The following STXBP5L variants were observed in gnomAD, a reference collection of about 807,000 sequenced individuals.
STXBP5L encodes the protein syntaxin binding protein 5L, also known as syntaxin-binding protein 5-like.
STXBP5L carries 65 observed loss-of-function variants against 144.5 expected under a neutral mutation model. That is an observed-to-expected ratio of 0.45 (90% CI 0.37 to 0.55). The LOEUF (loss-of-function observed/expected upper bound fraction) is 0.55, where lower values mean the gene tolerates loss of function less well. STXBP5L is among the 20% of genes least tolerant of loss of function. STXBP5L has a pLI of 0.00. For missense variants in STXBP5L, 1,298 were observed against 1,405.5 expected (o/e 0.92, Z 1.22); for synonymous variants, 505 against 469.6 (o/e 1.08, Z -0.97).
chr3:120,970,699 C>T (rs566406536), intron 3 of STXBP5L, among the ~76,000 whole-genome samples: 80 of 152,168 alleles, frequency 5.3e-4, no homozygotes, highest in Admixed American at 1.8e-3. Context: ...TGGACGATGT[C>T]TTCTTTCTCT....
At chr3:121,052,426 G>C (rs533283767) in intron 5 of STXBP5L, among the ~76,000 whole-genome samples, 20 of 152,232 alleles carry the variant, frequency 1.3e-4, no homozygotes, top group African/African-American at 2.2e-4. Context: ...CCCTGGGATG[G>C]AAGGCTGGTT....
At chr3:121,362,245 G>A (rs535268353) in intron 20 of STXBP5L, among the ~76,000 whole-genome samples, 2 of 152,312 alleles carry the variant, frequency 1.3e-5, no homozygotes, top group South Asian at 4.1e-4. Flanking sequence ...TAAATTTAGT[G>A]TAGCACTGGG....
intron 5 of STXBP5L, among the ~76,000 whole-genome samples, chr3:121,065,695 G>A (rs1347150185): frequency 6.6e-6 from 1 of 152,134 alleles, no homozygotes; most frequent in Admixed American, 6.6e-5. Context: ...GGAACTACAG[G>A]CATGTGCCAC....
At chr3:121,034,477 G>A (rs908807873) in intron 3 of STXBP5L, among the ~76,000 whole-genome samples, 3 of 151,994 alleles carry the variant, frequency 2.0e-5, no homozygotes, top group Non-Finnish European at 4.4e-5. Flanking sequence ...TTCTATGGCT[G>A]AATAGTATTC....
intron 19 of STXBP5L, among the ~76,000 whole-genome samples, chr3:121,305,778 A>C (rs2108501762): frequency 6.6e-6 from 1 of 152,254 alleles, no homozygotes; most frequent in African/African-American, 2.4e-5. Context: ...CATTTAGTTC[A>C]TAACCTAGTA....
intron 20 of STXBP5L, among the ~76,000 whole-genome samples, chr3:121,344,961 T>G (rs576899849): frequency 1.3e-5 from 2 of 149,876 alleles, no homozygotes; most frequent in African/African-American, 4.9e-5. Context: ...ATATATAAGA[T>G]TATATATATA....
At chr3:120,997,288 T>G (rs980335851) in intron 3 of STXBP5L, among the ~76,000 whole-genome samples, 2 of 152,202 alleles carry the variant, frequency 1.3e-5, no homozygotes, top group African/African-American at 4.8e-5. Context: ...ATGATTTATA[T>G]TGTCTTGGGT....
chr3:121,047,515 G>A (rs966717048), intron 5 of STXBP5L, among the ~76,000 whole-genome samples: 6 of 152,174 alleles, frequency 3.9e-5, no homozygotes, highest in Non-Finnish European at 7.4e-5. Flanking sequence ...CTAAGAACTC[G>A]CTTTATGAAT....
intron 3 of STXBP5L, among the ~76,000 whole-genome samples, chr3:120,998,056 C>G (rs1435675494): frequency 6.6e-6 from 1 of 152,162 alleles, no homozygotes; most frequent in African/African-American, 2.4e-5. Flanking sequence ...AAACCCTCAA[C>G]AAACAAAGCA....
chr3:120,962,351 C>G (rs1938945195), intron 3 of STXBP5L, among the ~76,000 whole-genome samples: 1 of 152,132 alleles, frequency 6.6e-6, no homozygotes, highest in Non-Finnish European at 1.5e-5. Flanking sequence ...ATTCCTTGCC[C>G]ATGCCTATAT....
chr3:121,359,999 T>TATTACTATATAATATAATATATATA (rs2045658086), intron 20 of STXBP5L, among the ~76,000 whole-genome samples: 1 of 145,572 alleles, frequency 6.9e-6, no homozygotes, highest in East Asian at 1.9e-4. Context: ...ATATATATAT[T>TATTACTATATAATATAATATATATA]ATTACTATAT....
chr3:121,017,940 GTTGTGGCATGCACCCGCAGTCC>G (rs1945259376), intron 3 of STXBP5L, among the ~76,000 whole-genome samples: 1 of 152,062 alleles, frequency 6.6e-6, no homozygotes, highest in South Asian at 2.1e-4. Context: ...ATAGCCATGT[GTTGTGGCATGCACCCGCAGTCC>G]TAACTACCCA....
intron 19 of STXBP5L, among the ~76,000 whole-genome samples, chr3:121,315,198 C>T (rs1406575626): frequency 6.6e-6 from 1 of 152,090 alleles, no homozygotes; most frequent in African/African-American, 2.4e-5. Context: ...ATGTTTACTG[C>T]AGCACTATTC....
intron 9 of STXBP5L, among the ~76,000 whole-genome samples, chr3:121,197,066 C>T (rs542529990): frequency 2.4e-4 from 36 of 152,220 alleles, no homozygotes; most frequent in African/African-American, 8.4e-4. Context: ...ATTGCTTAAG[C>T]TGCATACTGG....
At chr3:121,299,223 A>T (rs1409117160) in intron 19 of STXBP5L, among the ~76,000 whole-genome samples, 2 of 152,186 alleles carry the variant, frequency 1.3e-5, no homozygotes, top group African/African-American at 4.8e-5. Flanking sequence ...ATCTTTTCCC[A>T]CTAGCAACAT....
rs767473735 is a variant in STXBP5L, at chr3:121,157,643, TC to T, written c.877+17del. ...ATTCCACATGGTAAGATGTATGCTT[TC>T]AAAAGGAATAAACACTGGCAATTCA... is the stretch of plus-strand genomic sequence containing the variant. On this transcript the variant is annotated intron_variant, in intron 9 of 26. Transcript: ENST00000471454. 4.7e-5 allele frequency: 74 copies of T among 1,590,694 alleles called. No individual in the cohort carries two copies. Among genetic ancestry groups the T allele is most frequent in the Non-Finnish European group, 6.2e-5 (73 of 1,171,800 alleles).
At chr3:121,268,211 T>C (rs2050634667) in intron 18 of STXBP5L, among the ~76,000 whole-genome samples, 1 of 152,158 alleles carries the variant, frequency 6.6e-6, no homozygotes, top group South Asian at 2.1e-4. Flanking sequence ...ATATACACCA[T>C]GGAATACTAT....
intron 9 of STXBP5L, among the ~76,000 whole-genome samples, chr3:121,189,357 C>G (rs2047538063): frequency 6.6e-6 from 1 of 152,138 alleles, no homozygotes; most frequent in South Asian, 2.1e-4. Flanking sequence ...TGTTTTAGGT[C>G]TAACATTTAA....
chr3:121,275,512 G>T (rs1452988350), intron 18 of STXBP5L, among the ~76,000 whole-genome samples: 2 of 152,032 alleles, frequency 1.3e-5, no homozygotes, highest in Non-Finnish European at 2.9e-5. Context: ...TATGAATGTT[G>T]ATTCAAGAGT....
Sources: gnomAD v4.1 joint callset for allele counts (sites outside exome capture counted in the v4.1 genomes callset) on GRCh38, gnomAD v4.1.1 for gene constraint, MANE v1.5 for transcripts, NCBI Gene and HGNC (gene_info 2026-07-23, HGNC 2026-07-21) for gene names.